Variants in CCNY observed in about 807,000 individuals in gnomAD.
The protein encoded by CCNY is cyclin-Y.
Under a neutral mutation model 42.8 loss-of-function variants are expected in CCNY, and 19 were observed. The observed-to-expected ratio is 0.44, with a 90% CI of 0.31 to 0.65. The LOEUF is 0.65. Ranked by LOEUF, CCNY falls within the 30% of genes least tolerant of loss-of-function variation. CCNY has a pLI of 0.07. For synonymous variants in CCNY, 165 were observed against 162.7 expected, an observed-to-expected ratio of 1.01 and a Z score of -0.11; for missense variants, 370 against 437.3, an observed-to-expected ratio of 0.85 and a Z score of 1.37.
At chr10:35,447,650 C>A (rs988874197) in intron 1 of CCNY, among the ~76,000 whole-genome samples, 1 of 152,146 alleles carries the variant, frequency 6.6e-6, no homozygotes, top group Non-Finnish European at 1.5e-5. Flanking sequence ...ATTGCAGTAG[C>A]TTGAAATATT....
intron 1 of CCNY, among the ~76,000 whole-genome samples, chr10:35,422,737 A>G (rs1386777811): frequency 6.6e-6 from 1 of 152,206 alleles, no homozygotes; most frequent in Non-Finnish European, 1.5e-5. Context: ...TTAAGAGTTA[A>G]AGGAATAGAG....
chr10:35,546,481 G>T (rs1197656639), intron 7 of CCNY, among the ~76,000 whole-genome samples: 1 of 152,176 alleles, frequency 6.6e-6, no homozygotes, highest in Non-Finnish European at 1.5e-5. Flanking sequence ...TGTTAGCAAT[G>T]GTCGTGGGAT....
At chr10:35,370,475 G>A (rs1836908637) in intron 1 of CCNY, among the ~76,000 whole-genome samples, 1 of 151,772 alleles carries the variant, frequency 6.6e-6, no homozygotes, top group South Asian at 2.1e-4. Context: ...TTCTTTTGGT[G>A]TTTATGTATA....
chr10:35,514,836 T>G (rs1012703509), intron 3 of CCNY, among the ~76,000 whole-genome samples: 10 of 152,218 alleles, frequency 6.6e-5, no homozygotes, highest in African/African-American at 1.9e-4. Context: ...ACTTTTAATG[T>G]TAAATATGGT....
intron 3 of CCNY, among the ~76,000 whole-genome samples, chr10:35,313,739 G>A (rs1835718092): frequency 6.6e-6 from 1 of 152,178 alleles, no homozygotes; most frequent in Non-Finnish European, 1.5e-5. Flanking sequence ...TTGGGAGGCT[G>A]AGGCAGGTGA....
Position 35,309,606 on chromosome 10 carries a change from A to G in CCNY, c.-9+58980A>G, listed in dbSNP as rs138517076. Among the ~76,000 whole-genome samples the G allele has an allele frequency of 2.8e-3, 431 of 151,920 alleles. 2 individuals are homozygous for G. The highest frequency in any genetic ancestry group is 9.0e-3 in the African/African-American group (373 of 41,424). ...CAGCTAATTTTTGAATTTTCTGTAG[A>G]GATGAGGTCTCACTATGTTGCTTAG... On this transcript the variant is annotated intron_variant, in intron 3 of 11. Transcript: ENST00000374706.
At chr10:35,556,596 C>T (rs992182838) in intron 8 of CCNY, among the ~76,000 whole-genome samples, 1 of 152,138 alleles carries the variant, frequency 6.6e-6, no homozygotes, top group African/African-American at 2.4e-5. Flanking sequence ...GGAATAGACA[C>T]GTTTTCCCCC....
intron 3 of CCNY, among the ~76,000 whole-genome samples, chr10:35,307,975 G>A (rs996285804): frequency 1.5e-4 from 23 of 151,188 alleles, no homozygotes; most frequent in Admixed American, 1.4e-3. Flanking sequence ...CCACCATCAC[G>A]TCCAGCTAAT....
intron 1 of CCNY, among the ~76,000 whole-genome samples, chr10:35,455,888 A>C (rs1839023216): frequency 6.8e-6 from 1 of 146,638 alleles, no homozygotes; most frequent in Admixed American, 7.0e-5. Context: ...GCACAATCAT[A>C]GCTCACTGAA....
intron 3 of CCNY, among the ~76,000 whole-genome samples, chr10:35,328,034 T>C (rs1362320492): frequency 6.6e-6 from 1 of 152,262 alleles, no homozygotes; most frequent in Non-Finnish European, 1.5e-5. Context: ...TAGCTGGTAC[T>C]GTGCTAGCAG....
At chr10:35,505,579 G>A (rs1334302870) in intron 3 of CCNY, among the ~76,000 whole-genome samples, 1 of 152,126 alleles carries the variant, frequency 6.6e-6, no homozygotes, top group Non-Finnish European at 1.5e-5. Context: ...TCTGCCACCT[G>A]CTAATTGGGC....
intron 1 of CCNY, among the ~76,000 whole-genome samples, chr10:35,454,592 G>A (rs568015957): frequency 3.3e-5 from 5 of 152,242 alleles, no homozygotes; most frequent in African/African-American, 9.6e-5. Flanking sequence ...GTGTCAGTCC[G>A]ATGGCTTCCT....
chr10:35,258,452 A>G (rs4298846), intron 3 of CCNY, among the ~76,000 whole-genome samples: 55,546 of 152,082 alleles, frequency 0.37, 10,649 homozygotes, highest in African/African-American at 0.49. Flanking sequence ...GTGGGGGAAG[A>G]GTGCTGGCCC....
At chr10:35,565,426 G>A (rs1188902734) in intron 8 of CCNY, among the ~76,000 whole-genome samples, 5 of 152,178 alleles carry the variant, frequency 3.3e-5, no homozygotes, top group East Asian at 1.9e-4. Context: ...GATGGGGTGC[G>A]TGCTCAAGTG....
chr10:35,533,009 G>A (rs966044103), intron 7 of CCNY, among the ~76,000 whole-genome samples: 1 of 152,228 alleles, frequency 6.6e-6, no homozygotes, highest in African/African-American at 2.4e-5. Flanking sequence ...CCCACTGCAG[G>A]TTTCTCTTCC....
intron 3 of CCNY, among the ~76,000 whole-genome samples, chr10:35,266,881 C>T (rs1039897960): frequency 1.1e-4 from 16 of 151,992 alleles, no homozygotes; most frequent in African/African-American, 3.1e-4. Context: ...ATCAGGAGTT[C>T]GAGACCAGCC....
intron 1 of CCNY, among the ~76,000 whole-genome samples, chr10:35,475,852 TAA>T (rs1344883279): frequency 6.6e-6 from 1 of 150,914 alleles, no homozygotes; most frequent in African/African-American, 2.4e-5. Context: ...GCAAATTGGA[TAA>T]AGAGTCAAGA....
At chr10:35,442,618 CAG>C (rs1838698057) in intron 1 of CCNY, among the ~76,000 whole-genome samples, 1 of 152,104 alleles carries the variant, frequency 6.6e-6, no homozygotes, top group Admixed American at 6.5e-5. Flanking sequence ...AGATATGAAA[CAG>C]CATGATGTAT....
At chr10:35,474,039 G>A (rs1294815169) in intron 1 of CCNY, among the ~76,000 whole-genome samples, 4 of 152,198 alleles carry the variant, frequency 2.6e-5, no homozygotes, top group Non-Finnish European at 2.9e-5. Flanking sequence ...GGTGACGGAC[G>A]GCACCTGGAA....
Sources: allele counts gnomAD v4.1 joint callset (sites outside exome capture counted in the v4.1 genomes callset), GRCh38; gene constraint gnomAD v4.1.1; transcripts MANE v1.5; gene names NCBI Gene and HGNC (gene_info 2026-07-23, HGNC 2026-07-21).